ONECUT2: variants seen among roughly 807,000 people sequenced by gnomAD.
The protein encoded by ONECUT2 is one cut domain family member 2.
Under a neutral mutation model 27.9 loss-of-function variants are expected in ONECUT2, and 10 were observed. The observed-to-expected ratio is 0.36, with a 90% confidence interval of 0.22 to 0.61. The LOEUF (loss-of-function observed/expected upper bound fraction) is 0.61, where lower values mean the gene tolerates loss of function less well. Among genes scored for constraint, ONECUT2 ranks in the 20% least tolerant of loss-of-function variants. ONECUT2 has a pLI of 0.73. For synonymous variants in ONECUT2, 334 were observed against 315.1 expected, an observed-to-expected ratio of 1.06 and a Z score of -0.64; for missense variants, 686 against 721.0, an observed-to-expected ratio of 0.95 and a Z score of 0.56.
intron 1 of ONECUT2, among the ~76,000 whole-genome samples, chr18:57,460,246 A>G (rs1313419018): frequency 1.3e-5 from 2 of 152,254 alleles, no homozygotes; most frequent in East Asian, 1.9e-4. Flanking sequence ...AAACATTTGA[A>G]TCTTTATTCT....
In ONECUT2 at chr18:57,480,491, C is replaced by A. The variant is rs1360888694; in HGVS notation, c.*3768C>A. 1 of 151,808 alleles carries A rather than the reference C, an allele frequency of 6.6e-6. No homozygotes were observed. The highest frequency in any genetic ancestry group is 2.4e-5 in the African/African-American group (1 of 41,256). The allele number at this position is 151,808 out of a possible 1,614,324, so 9.4% of individuals were successfully genotyped here. A position where few individuals can be genotyped will look rare whatever the true frequency, so the allele number is the denominator to read the frequency against. ...CCAGCATCCTCTGAAGATGTCTAGA[C>A]TAGTAGAGGCTGCCTTTGTGACCTG... On this transcript the variant is annotated 3_prime_UTR_variant, in exon 2 of 2. Transcript: ENST00000491143.
At position 57,435,522 on chromosome 18, in the gene ONECUT2, C is replaced by CTCTCCCGGGGG. The variant is rs1598926174; in HGVS notation, c.-195_-194insTCTCCCGGGGG. The stretch of plus-strand genomic sequence containing the variant: ...CGTCCCCTCCCCTCTCCCGCACGCA[C>CTCTCCCGGGGG]GCCCCGTCCGCCCCCACCCCGCCCC... On this transcript the variant is annotated 5_prime_UTR_variant, in exon 1 of 2. Coordinates refer to ENST00000491143, the MANE Select transcript of ONECUT2 (RefSeq NM_004852.3). Among the ~76,000 whole-genome samples, 1 of 142,428 alleles carries CTCTCCCGGGGG rather than the reference C, an allele frequency of 7.0e-6. No homozygotes were observed. The highest frequency in any genetic ancestry group is 2.2e-4 in the East Asian group (1 of 4,614). 93.4% of individuals were successfully genotyped at this position (142,428 alleles called of 152,430 possible). A position where few individuals can be genotyped will look rare whatever the true frequency, so the allele number is the denominator to read the frequency against.
rs144493553 is a variant in ONECUT2 at position 57,452,567 on chromosome 18, G to A, written c.1228+15623G>A. Among the ~76,000 whole-genome samples the A allele has an allele frequency of 2.6e-3, 402 of 152,220 alleles. 7 individuals are homozygous for A. Among genetic ancestry groups the A allele is most frequent in the South Asian group, 0.025 (121 of 4,802 alleles). On this transcript the variant is annotated intron_variant, in intron 1 of 1. Coordinates refer to ENST00000491143, the MANE Select transcript of ONECUT2 (RefSeq NM_004852.3). Reference sequence around the variant, plus strand: ...AGCCTCCCAAGTAGGTGGGATTACAGGTGCCCACCACTATGCCCAGCTAAT... The same window carrying A: ...AGCCTCCCAAGTAGGTGGGATTACAAGTGCCCACCACTATGCCCAGCTAAT...
chr18:57,465,353 A>G (rs987070335), intron 1 of ONECUT2, among the ~76,000 whole-genome samples: 10 of 152,154 alleles, frequency 6.6e-5, no homozygotes, highest in Non-Finnish European at 1.5e-4. Flanking sequence ...TTGTAGAGAC[A>G]GGGTTTCGCC....
chr18:57,437,979 C>G (rs946041858), intron 1 of ONECUT2, among the ~76,000 whole-genome samples: 1 of 152,242 alleles, frequency 6.6e-6, no homozygotes, highest in Non-Finnish European at 1.5e-5. Context: ...CGGGTAGAGG[C>G]GCGGGTTACA....
At chr18:57,467,079 G>A (rs956594513) in intron 1 of ONECUT2, 1 of 431,368 alleles carries the variant, frequency 2.3e-6, no homozygotes. Context: ...ACATCCAAGA[G>A]CCCTCATTTC....
intron 1 of ONECUT2, among the ~76,000 whole-genome samples, chr18:57,438,050 C>A (rs1172829254): frequency 2.6e-5 from 4 of 152,228 alleles, no homozygotes; most frequent in African/African-American, 9.6e-5. Context: ...CGAGGTACAG[C>A]CCTCTATTGT....
intron 1 of ONECUT2, among the ~76,000 whole-genome samples, chr18:57,467,783 G>A (rs1241928130): frequency 1.3e-5 from 2 of 152,196 alleles, no homozygotes; most frequent in Non-Finnish European, 2.9e-5. Flanking sequence ...ACATTCCAGG[G>A]CAGTGCCAAG....
At chr18:57,453,252 G>A (rs1474342116) in intron 1 of ONECUT2, among the ~76,000 whole-genome samples, 1 of 152,134 alleles carries the variant, frequency 6.6e-6, no homozygotes, top group Non-Finnish European at 1.5e-5. Flanking sequence ...AATTCAGAGA[G>A]GTGATCACAT....
In ONECUT2 at chr18:57,436,971, G is replaced by GGCT; in HGVS notation, c.1228+32_1228+34dup. The GGCT allele has an allele frequency of 6.5e-7, 1 of 1,549,350 alleles. No individual in the cohort carries two copies. Among genetic ancestry groups the GGCT allele is most frequent in the Non-Finnish European group, 8.7e-7 (1 of 1,147,326 alleles). ...TAAGGCCGGGGCTAGCCAGGGGCCAGGCTGCTGGGAAGAGGGCTCCGGGTC... is the reference window on the plus strand; with the variant it reads ...TAAGGCCGGGGCTAGCCAGGGGCCAGGCTGCTGCTGGGAAGAGGGCTCCGGGTC... On this transcript the variant is annotated intron_variant, in intron 1 of 1. Coordinates refer to ENST00000491143, the MANE Select transcript of ONECUT2 (RefSeq NM_004852.3). This position sits in a 1 kb window ranked among gnomAD's most constrained non-coding sequence, Gnocchi z 5.9.
At position 57,483,480 on chromosome 18, in the gene ONECUT2, ATTAAC is replaced by A. The variant is rs2050425495; in HGVS notation, c.*6761_*6765del. On this transcript the variant is annotated 3_prime_UTR_variant, in exon 2 of 2. Transcript: ENST00000491143. The stretch of plus-strand genomic sequence containing the variant: ...CAACAAGCTAAGTACCATTAATGTA[ATTAAC>A]TTATTTAAATTAGTTCCTAGTACAT... 6.6e-6 allele frequency: 1 copy of A among 152,510 alleles called. No individual in the cohort carries two copies. Among genetic ancestry groups the A allele is most frequent in the African/African-American group, 2.4e-5 (1 of 41,450 alleles). The allele number at this position is 152,510 out of a possible 1,614,324, so 9.4% of individuals were successfully genotyped here.
rs532018287 is a variant in ONECUT2 at position 57,438,447 on chromosome 18, C to G, written c.1228+1503C>G. On this transcript the variant is annotated intron_variant, in intron 1 of 1. Coordinates refer to ENST00000491143, the MANE Select transcript of ONECUT2 (RefSeq NM_004852.3). ...CAGCTCGCTTCCGGAGCTGCGAGCT[C>G]AGGTTTCCACCCCCGATCCCCCGGG... 1.3e-3 allele frequency among the ~76,000 whole-genome samples: 194 copies of G among 152,328 alleles called. 1 individual carries two copies. The highest frequency in any genetic ancestry group is 4.3e-3 in the African/African-American group (180 of 41,582).
At chr18:57,446,568 C>A (rs1456588330) in intron 1 of ONECUT2, among the ~76,000 whole-genome samples, 2 of 152,180 alleles carry the variant, frequency 1.3e-5, no homozygotes, top group African/African-American at 2.4e-5. Context: ...GCACTAAGCC[C>A]TGCACCTTCC....
chr18:57,435,691 G>T lies in ONECUT2; in HGVS notation c.-26G>T. On this transcript the variant is annotated 5_prime_UTR_variant, in exon 1 of 2. Coordinates refer to ENST00000491143, the MANE Select transcript of ONECUT2 (RefSeq NM_004852.3). ...CCCGCCGGCCGCCCCCGCCGCCCCC[G>T]CCGCCCCCGGGCCCTGATGGACTGA... 3 of 324,904 alleles carry T rather than the reference G, an allele frequency of 9.2e-6. No homozygotes were observed. Among genetic ancestry groups the T allele is most frequent in the Non-Finnish European group, 9.9e-6 (2 of 201,590 alleles). 20.1% of individuals were successfully genotyped at this position (324,904 alleles called of 1,614,324 possible).
chr18:57,463,345 A>G (rs2122133675), intron 1 of ONECUT2, among the ~76,000 whole-genome samples: 1 of 152,304 alleles, frequency 6.6e-6, no homozygotes, highest in Admixed American at 6.5e-5. Context: ...GCCTCATTAA[A>G]GATCTTGGTA....
In ONECUT2 at chr18:57,476,300, G is replaced by C. The variant is rs1598945038; in HGVS notation, c.1229-137G>C. The C allele has an allele frequency of 9.6e-6, 8 of 829,410 alleles. No homozygotes were observed. In the East Asian group the frequency reaches 2.1e-4, roughly 22 times the overall value. 51.4% of individuals were successfully genotyped at this position (829,410 alleles called of 1,614,324 possible). On this transcript the variant is annotated intron_variant, in intron 1 of 1. Coordinates refer to ENST00000491143, the MANE Select transcript of ONECUT2 (RefSeq NM_004852.3). ...TCACCCGGAGATTACAGGGAAGGCT[G>C]GTTATTGACAGCTGGGCAGTTTGCA...
chr18:57,454,682 A>G (rs2050249091), intron 1 of ONECUT2, among the ~76,000 whole-genome samples: 1 of 152,084 alleles, frequency 6.6e-6, no homozygotes, highest in African/African-American at 2.4e-5. Flanking sequence ...ATTTTCTCAG[A>G]TGAGATTTAG....
intron 1 of ONECUT2, among the ~76,000 whole-genome samples, chr18:57,466,485 A>G (rs1474118664): frequency 6.6e-6 from 1 of 152,224 alleles, no homozygotes; most frequent in African/African-American, 2.4e-5. Context: ...TTGTATCTGG[A>G]ATTAAATATT....
At chr18:57,442,774 G>A (rs762919317) in intron 1 of ONECUT2, among the ~76,000 whole-genome samples, 2 of 152,142 alleles carry the variant, frequency 1.3e-5, no homozygotes, top group Non-Finnish European at 2.9e-5. Context: ...GTGAGGTCTG[G>A]GCAAAGGATA....
Sources: allele counts gnomAD v4.1 joint callset (sites outside exome capture counted in the v4.1 genomes callset), GRCh38; gene constraint gnomAD v4.1.1; non-coding constraint Gnocchi (gnomAD v3.1); transcripts MANE v1.5; gene names NCBI Gene and HGNC (gene_info 2026-07-23, HGNC 2026-07-21).